Variants in TNR observed in about 807,000 individuals in gnomAD.
The protein encoded by TNR is tenascin-R.
In TNR, 45 loss-of-function variants were observed where a neutral mutation model predicts 150.4. The ratio of observed to expected loss-of-function variants is 0.30; its 90% CI spans 0.24 to 0.38. The LOEUF is 0.38. Among genes scored for constraint, TNR ranks in the 10% least tolerant of loss-of-function variants. The probability of loss-of-function intolerance (pLI) is 1.00; values close to 1 mark genes in which losing one functional copy is unlikely to be tolerated. For synonymous variants in TNR, 687 were observed against 678.4 expected, an observed-to-expected ratio of 1.01 and a Z score of -0.20; for missense variants, 1,544 against 1,759.1, an observed-to-expected ratio of 0.88 and a Z score of 2.19.
At chr1:175,376,733 G>A (rs562119971) in intron 9 of TNR, among the ~76,000 whole-genome samples, 4 of 152,116 alleles carry the variant, frequency 2.6e-5, no homozygotes, top group African/African-American at 7.2e-5. Flanking sequence ...ATCTCAGCGA[G>A]TACAAATACA....
chr1:175,599,233 G>A lies in TNR; in HGVS notation c.-164-70864C>T, dbSNP rs113525600. On this transcript the variant is annotated intron_variant, in intron 1 of 22. Coordinates refer to ENST00000367674, the MANE Select transcript of TNR (RefSeq NM_003285.3). The surrounding 1 kb of genome is among the most constrained non-coding windows in gnomAD (Gnocchi z 4.7). ...AGATGGGAAGTGTCAGCTTGGCCTTGGCCACCTCGGGTCACCGCTCCTCCC... is the reference window on the plus strand; with the variant it reads ...AGATGGGAAGTGTCAGCTTGGCCTTAGCCACCTCGGGTCACCGCTCCTCCC... 8.1e-3 allele frequency among the ~76,000 whole-genome samples: 1,229 copies of A among 152,272 alleles called. 6 individuals carry two copies. The highest frequency in any genetic ancestry group is 0.031 in the East Asian group (162 of 5,172).
chr1:175,697,113 G>A (rs567741169), intron 1 of TNR, among the ~76,000 whole-genome samples: 83 of 150,502 alleles, frequency 5.5e-4, no homozygotes, highest in Non-Finnish European at 1.0e-3. Context: ...GTATATGTAT[G>A]TACATATATC....
chr1:175,550,779 A>G (rs1660908398), intron 1 of TNR, among the ~76,000 whole-genome samples: 1 of 149,994 alleles, frequency 6.7e-6, no homozygotes, highest in Non-Finnish European at 1.5e-5. Context: ...GGGAACAGGA[A>G]AAAAAAAACC....
Position 175,354,384 on chromosome 1 carries a change from C to T in TNR, c.3382+7G>A, listed in dbSNP as rs760014375. On this transcript the variant is annotated splice_region_variant and intron_variant, in intron 18 of 22. Transcript: ENST00000367674. ...AAGAAGGCATCAAAGTGGCCATGCT[C>T]CCTCACCTGTGGTGAAAGCGGTGGA... 3 of 1,613,568 alleles carry T rather than the reference C, an allele frequency of 1.9e-6. No homozygotes were observed. Among genetic ancestry groups the T allele is most frequent in the Non-Finnish European group, 2.5e-6 (3 of 1,179,730 alleles).
intron 1 of TNR, among the ~76,000 whole-genome samples, chr1:175,617,658 T>A (rs1663824746): frequency 6.6e-6 from 1 of 152,212 alleles, no homozygotes; most frequent in African/African-American, 2.4e-5. Context: ...AGATCCTCAG[T>A]GATTTGTTTG....
chr1:175,619,558 C>CCCT (rs1663895815), intron 1 of TNR, among the ~76,000 whole-genome samples: 2 of 152,116 alleles, frequency 1.3e-5, no homozygotes, highest in Admixed American at 1.3e-4. Flanking sequence ...CTCCACAGCT[C>CCCT]GCTTTGGACC....
chr1:175,554,389 A>C (rs1661069773), intron 1 of TNR, among the ~76,000 whole-genome samples: 1 of 152,160 alleles, frequency 6.6e-6, no homozygotes, highest in Non-Finnish European at 1.5e-5. Context: ...TGACTTTTTA[A>C]AATCAAGGCA....
chr1:175,651,122 C>G (rs1455376130), intron 1 of TNR, among the ~76,000 whole-genome samples: 1 of 94,798 alleles, frequency 1.1e-5, no homozygotes, highest in Non-Finnish European at 2.1e-5. Context: ...CTCATTACTC[C>G]TCCTCCCTTA....
intron 2 of TNR, among the ~76,000 whole-genome samples, chr1:175,431,911 A>ATCTCTCTCTCTCTCTCTCCTTCTC (rs1553221256): frequency 7.3e-5 from 10 of 136,460 alleles, no homozygotes; most frequent in African/African-American, 2.4e-4. Context: ...GGACCATAAT[A>ATCTCTCTCTCTCTCTCTCCTTCTC]TCTCTCTCTC....
intron 2 of TNR, among the ~76,000 whole-genome samples, chr1:175,432,511 CT>C (rs1268220979): frequency 6.6e-6 from 1 of 151,688 alleles, no homozygotes; most frequent in Admixed American, 6.6e-5. Context: ...TTTCTATAGC[CT>C]TTTCTTTATT....
At chr1:175,674,502 A>T (rs181907121) in intron 1 of TNR, among the ~76,000 whole-genome samples, 1 of 152,166 alleles carries the variant, frequency 6.6e-6, no homozygotes, top group Non-Finnish European at 1.5e-5. Flanking sequence ...CACTACATGC[A>T]CATGTGCACA....
chr1:175,710,936 T>C (rs1268444429), intron 1 of TNR, among the ~76,000 whole-genome samples: 2 of 152,150 alleles, frequency 1.3e-5, no homozygotes, highest in South Asian at 2.1e-4. Flanking sequence ...CCTTTGCTGC[T>C]GTCCTCTACC....
rs1649823861 is a variant in TNR at position 175,331,078 on chromosome 1, C to CCTTCTCTTTCTTTCTTTCTTTCT, written c.3632-844_3632-843insAGAAAGAAAGAAAGAAAGAGAAG. On this transcript the variant is annotated intron_variant, in intron 20 of 22. Coordinates refer to ENST00000367674, the MANE Select transcript of TNR (RefSeq NM_003285.3). ...CTTTCTTTCTTTCTTTCTTTCTTTC[C>CCTTCTCTTTCTTTCTTTCTTTCT]TTCTTTCTTTCTTTCTTTCTTTCTC... Among the ~76,000 whole-genome samples, 62 of 59,944 alleles carry CCTTCTCTTTCTTTCTTTCTTTCT rather than the reference C, an allele frequency of 1.0e-3. 4 individuals are homozygous for CCTTCTCTTTCTTTCTTTCTTTCT. The highest frequency in any genetic ancestry group is 2.6e-3 in the Admixed American group (15 of 5,824). 39.3% of individuals were successfully genotyped at this position (59,944 alleles called of 152,430 possible). A position where few individuals can be genotyped will look rare whatever the true frequency, so the allele number is the denominator to read the frequency against.
intron 18 of TNR, among the ~76,000 whole-genome samples, chr1:175,342,460 G>A (rs1356207343): frequency 6.6e-6 from 1 of 152,226 alleles, no homozygotes; most frequent in Non-Finnish European, 1.5e-5. Context: ...GGAGGAAAGA[G>A]AGTGCTGGGG....
chr1:175,657,265 G>A (rs983661198), intron 1 of TNR, among the ~76,000 whole-genome samples: 4 of 152,098 alleles, frequency 2.6e-5, no homozygotes, highest in African/African-American at 9.7e-5. Flanking sequence ...AAAAGTCAGG[G>A]AACAACACGT....
intron 1 of TNR, among the ~76,000 whole-genome samples, chr1:175,564,154 C>T (rs114142686): frequency 0.011 from 1,600 of 152,364 alleles, 25 homozygotes; most frequent in African/African-American, 0.037. Context: ...CCACTCTGCT[C>T]TCCAAGACCC....
chr1:175,649,533 A>G lies in TNR; in HGVS notation c.-165+93693T>C, dbSNP rs554068576. 2.4e-4 allele frequency among the ~76,000 whole-genome samples: 37 copies of G among 152,278 alleles called. No individual in the cohort carries two copies. The South Asian group carries it at 2.5e-3, about 10-fold the overall frequency. The stretch of plus-strand genomic sequence containing the variant: ...TCTTCCTTGTTTCTTGATGGAGCAC[A>G]GTACTCGCACAGAGCCCGGCACAGA... On this transcript the variant is annotated intron_variant, in intron 1 of 22. Transcript: ENST00000367674.
chr1:175,697,765 G>A (rs1055875380), intron 1 of TNR, among the ~76,000 whole-genome samples: 3 of 152,178 alleles, frequency 2.0e-5, no homozygotes, highest in African/African-American at 2.4e-5. Flanking sequence ...CCCGATTCAA[G>A]CCCAGCCAAC....
At chr1:175,359,947 A>T (rs2239820) in intron 14 of TNR, among the ~76,000 whole-genome samples, 53,928 of 152,088 alleles carry the variant, frequency 0.35, 9,964 homozygotes, top group East Asian at 0.51. Context: ...GTTCTCCCCC[A>T]GTCGCCCCCA....
Sources: gnomAD v4.1 joint callset for allele counts (sites outside exome capture counted in the v4.1 genomes callset) on GRCh38, gnomAD v4.1.1 for gene constraint, Gnocchi (gnomAD v3.1) non-coding constraint, MANE v1.5 for transcripts, NCBI Gene and HGNC (gene_info 2026-07-23, HGNC 2026-07-21) for gene names.